The following TRPM3 variants were observed in gnomAD, a reference collection of about 807,000 sequenced individuals.
TRPM3 encodes the protein transient receptor potential cation channel subfamily M member 3, also known as long transient receptor potential channel 3.
Under a neutral mutation model 181.2 loss-of-function variants are expected in TRPM3, and 77 were observed. The observed-to-expected ratio is 0.42, with a 90% CI of 0.35 to 0.51. The LOEUF is 0.51. Among genes scored for constraint, TRPM3 ranks in the 20% least tolerant of loss-of-function variants. The pLI, the probability that TRPM3 is intolerant of heterozygous loss-of-function variation, is 0.01. For synonymous variants in TRPM3, 745 were observed against 796.4 expected (o/e 0.94, Z 1.09); for missense variants, 1,759 against 2,196.7 (o/e 0.80, Z 3.98).
Position 70,531,081 on chromosome 9 carries a change from A to G in TRPM3, c.*4872T>C, listed in dbSNP as rs1485245544. The G allele has an allele frequency of 6.6e-6, 1 of 152,212 alleles. No homozygotes were observed. The highest frequency in any genetic ancestry group is 1.5e-5 in the Non-Finnish European group (1 of 68,036). 9.4% of individuals were successfully genotyped at this position (152,212 alleles called of 1,614,324 possible). On this transcript the variant is annotated 3_prime_UTR_variant, in exon 26 of 26. Coordinates refer to ENST00000677713, the MANE Select transcript of TRPM3 (RefSeq NM_001366145.2). Reference sequence around the variant, plus strand: ...TTCACAGCGATCTGCGCACTTCTGCACTATCACAAATGGACTTTTCGCTCT... The same window carrying G: ...TTCACAGCGATCTGCGCACTTCTGCGCTATCACAAATGGACTTTTCGCTCT...
intron 1 of TRPM3, among the ~76,000 whole-genome samples, chr9:70,929,551 C>T (rs1422437906): frequency 6.6e-6 from 1 of 152,110 alleles, no homozygotes; most frequent in African/African-American, 2.4e-5. Flanking sequence ...GCTTAAGCCA[C>T]ATGAATTGTG....
intron 1 of TRPM3, among the ~76,000 whole-genome samples, chr9:71,224,172 A>T (rs930946615): frequency 1.3e-5 from 2 of 152,224 alleles, no homozygotes; most frequent in Non-Finnish European, 1.5e-5. Flanking sequence ...CCCCTCCTCC[A>T]GCTCCAGGCA....
chr9:70,925,744 AAC>A (rs1254695510), intron 1 of TRPM3, among the ~76,000 whole-genome samples: 1 of 152,086 alleles, frequency 6.6e-6, no homozygotes, highest in Non-Finnish European at 1.5e-5. Flanking sequence ...TAGAAGAGGA[AAC>A]ACAATATCTC....
intron 6 of TRPM3, among the ~76,000 whole-genome samples, chr9:70,823,310 A>T (rs767513884): frequency 6.6e-6 from 1 of 152,194 alleles, no homozygotes; most frequent in South Asian, 2.1e-4. Flanking sequence ...TCTACGTACT[A>T]TAGCAGAGTG....
At chr9:71,319,544 G>C (rs1473108782) in intron 1 of TRPM3, among the ~76,000 whole-genome samples, 1 of 152,056 alleles carries the variant, frequency 6.6e-6, no homozygotes, top group East Asian at 1.9e-4. Context: ...ACATTGCTGA[G>C]GGTGAGTCTC....
chr9:71,154,706 A>G (rs2075898342), intron 1 of TRPM3, among the ~76,000 whole-genome samples: 1 of 152,162 alleles, frequency 6.6e-6, no homozygotes, highest in African/African-American at 2.4e-5. Context: ...AAATAAGCCA[A>G]AAACCTTTCT....
intron 1 of TRPM3, among the ~76,000 whole-genome samples, chr9:70,922,891 A>G (rs1028873705): frequency 6.6e-6 from 1 of 152,170 alleles, no homozygotes; most frequent in African/African-American, 2.4e-5. Flanking sequence ...ATAGAATGTA[A>G]TATTTGGGGC....
intron 5 of TRPM3, among the ~76,000 whole-genome samples, chr9:70,839,005 C>T (rs1056313649): frequency 3.9e-5 from 6 of 152,188 alleles, no homozygotes; most frequent in African/African-American, 1.2e-4. Flanking sequence ...CCCAACAGGC[C>T]GCTCCCTCAC....
At chr9:70,539,906 C>T (rs954341226) in intron 25 of TRPM3, among the ~76,000 whole-genome samples, 1 of 152,130 alleles carries the variant, frequency 6.6e-6, no homozygotes, top group Non-Finnish European at 1.5e-5. Flanking sequence ...GCAAACATGG[C>T]TCACTGCAAC....
chr9:70,821,093 A>G (rs1008156341), intron 6 of TRPM3, among the ~76,000 whole-genome samples: 2 of 152,204 alleles, frequency 1.3e-5, no homozygotes, highest in South Asian at 4.1e-4. Flanking sequence ...TCAGCATACA[A>G]TAGTGTATTT....
At chr9:71,131,157 T>C (rs928760910) in intron 1 of TRPM3, among the ~76,000 whole-genome samples, 8 of 152,210 alleles carry the variant, frequency 5.3e-5, no homozygotes, top group Admixed American at 3.3e-4. Context: ...TCATCATGCC[T>C]AACCACTTTT....
At chr9:71,080,925 G>T (rs1357764371) in intron 1 of TRPM3, among the ~76,000 whole-genome samples, 1 of 152,082 alleles carries the variant, frequency 6.6e-6, no homozygotes, top group Non-Finnish European at 1.5e-5. Context: ...CCACTGGGAT[G>T]GCTAATGCTA....
intron 1 of TRPM3, among the ~76,000 whole-genome samples, chr9:71,157,426 T>G (rs924142618): frequency 1.3e-5 from 2 of 152,150 alleles, no homozygotes; most frequent in Non-Finnish European, 2.9e-5. Flanking sequence ...TTAGTTTCTA[T>G]ATATTTTATT....
intron 1 of TRPM3, among the ~76,000 whole-genome samples, chr9:71,367,370 C>T (rs1341171010): frequency 6.6e-6 from 1 of 152,154 alleles, no homozygotes; most frequent in African/African-American, 2.4e-5. Context: ...TATTAATCTT[C>T]AGGAGAGCTC....
intron 1 of TRPM3, among the ~76,000 whole-genome samples, chr9:70,882,995 G>T (rs758704274): frequency 6.6e-6 from 1 of 152,156 alleles, no homozygotes; most frequent in Non-Finnish European, 1.5e-5. Context: ...ACAACATTCT[G>T]AACATATGTG....
intron 1 of TRPM3, among the ~76,000 whole-genome samples, chr9:71,311,619 A>G (rs1044923438): frequency 6.6e-6 from 1 of 152,106 alleles, no homozygotes; most frequent in Admixed American, 6.6e-5. Context: ...GTAACTCAAC[A>G]TGAGTCATAG....
intron 22 of TRPM3, among the ~76,000 whole-genome samples, chr9:70,563,708 GAGGA>G (rs2049758333): frequency 6.6e-6 from 1 of 152,236 alleles, no homozygotes; most frequent in African/African-American, 2.4e-5. Flanking sequence ...AGGGATGGTG[GAGGA>G]AGGGAGAAAG....
At chr9:71,149,894 T>C (rs1256438013) in intron 1 of TRPM3, among the ~76,000 whole-genome samples, 7 of 151,784 alleles carry the variant, frequency 4.6e-5, no homozygotes, top group African/African-American at 1.7e-4. Context: ...GCCTGGGAGG[T>C]CAAAACTGTA....
intron 1 of TRPM3, among the ~76,000 whole-genome samples, chr9:71,188,514 A>G (rs1174556375): frequency 6.6e-6 from 1 of 151,898 alleles, no homozygotes. Context: ...GGTATTTATT[A>G]TTATAAATAC....
Sources: gnomAD v4.1 joint callset for allele counts (sites outside exome capture counted in the v4.1 genomes callset) on GRCh38, gnomAD v4.1.1 for gene constraint, MANE v1.5 for transcripts, NCBI Gene and HGNC (gene_info 2026-07-23, HGNC 2026-07-21) for gene names.